Variants in SLC25A24 observed in about 807,000 individuals in gnomAD.
SLC25A24 encodes the protein mitochondrial adenyl nucleotide antiporter SLC25A24.
A neutral mutation model predicts 60.7 loss-of-function variants in SLC25A24; 49 were observed. The observed-to-expected ratio is 0.81, with a 90% CI of 0.64 to 1.02. The LOEUF (loss-of-function observed/expected upper bound fraction) is 1.02. Ranked by LOEUF, SLC25A24 falls within the 50% of genes least tolerant of loss-of-function variation. The pLI is 0.00. For synonymous variants in SLC25A24, 202 were observed against 200.6 expected (o/e 1.01, Z -0.06); for missense variants, 564 against 586.3 (o/e 0.96, Z 0.39).
In SLC25A24 at chr1:108,162,317, G is replaced by T. The variant is rs1222798039; in HGVS notation, c.399-1024C>A. ...CCTTTGGGTATATACCCAGTAATGG[G>T]ATGGCTGGGTCAAATGATATTTCTA... On this transcript the variant is annotated intron_variant, in intron 3 of 9. Transcript: ENST00000565488. 6.5e-4 allele frequency among the ~76,000 whole-genome samples: 96 copies of T among 148,280 alleles called. 1 individual carries two copies. The highest frequency in any genetic ancestry group is 1.2e-3 in the Non-Finnish European group (83 of 67,262).
intron 2 of SLC25A24, 35 bp from the exon 3 acceptor site, chr1:108,182,063 C>G: frequency 3.8e-6 from 5 of 1,300,894 alleles, no homozygotes; most frequent in Non-Finnish European, 5.5e-6. Context: ...AAATAAAACT[C>G]AGAACTGGTA....
chr1:108,161,211 C>G lies in SLC25A24; in HGVS notation c.481G>C (p.Glu161Gln), dbSNP rs759768726. 1.3e-6 allele frequency: 2 copies of G among 1,585,546 alleles called. No homozygotes were observed. Among genetic ancestry groups the G allele is most frequent in the South Asian group, 2.2e-5 (2 of 90,048 alleles). ...FLFNPVTDIE[E>Q]IIRFWKHSTG... ...GAATGTTTCCAGAAACGGATAATTT[C>G]CTCAATGTCTGTAACAGGATTAAAT... The change falls in exon 4 of 10, where the codon GAA becomes CAA. Residue 161 changes from glutamate to glutamine, a missense_variant. Physicochemically the swap from Glu to Gln is conservative, Grantham distance 29 (BLOSUM62 2). Coordinates refer to ENST00000565488, the MANE Select transcript of SLC25A24 (RefSeq NM_013386.5).
rs2101652472 is a variant in SLC25A24 at position 108,200,080 on chromosome 1, T to G, written c.59A>C (p.Gln20Pro). 1 of 1,586,116 alleles carries G rather than the reference T, an allele frequency of 6.3e-7. No individual in the cohort carries two copies. The highest frequency in any genetic ancestry group is 8.6e-7 in the Non-Finnish European group (1 of 1,166,940). The change falls in exon 1 of 10, where the codon CAG becomes CCG. Residue 20 changes from glutamine (Q) to proline (P), a missense_variant. Coordinates refer to ENST00000565488, the MANE Select transcript of SLC25A24 (RefSeq NM_013386.5). ...GAAGAGGGTCTCGTAGCGCGTCGGC[T>G]GCTCCGCGTCCTGGCAGGCCGCGGT... ...LPTAACQDAE[Q>P]PTRYETLFQA...
chr1:108,166,232 T>C (rs1266262785), intron 3 of SLC25A24, among the ~76,000 whole-genome samples: 1 of 152,154 alleles, frequency 6.6e-6, no homozygotes, highest in Admixed American at 6.5e-5. Context: ...TAACATTTTT[T>C]CCTTCATTTC....
chr1:108,184,297 C>T (rs1452513399), intron 2 of SLC25A24, among the ~76,000 whole-genome samples: 2 of 152,198 alleles, frequency 1.3e-5, no homozygotes, highest in East Asian at 1.9e-4. Context: ...CATAGCAGCA[C>T]ACAGACAATC....
chr1:108,185,307 GA>G lies in SLC25A24; in HGVS notation c.310+520del, dbSNP rs1327219866. 3.9e-5 allele frequency among the ~76,000 whole-genome samples: 6 copies of G among 152,140 alleles called. No homozygotes were observed. The South Asian group carries it at 8.3e-4, about 21-fold the overall frequency. On this transcript the variant is annotated intron_variant, in intron 2 of 9. Coordinates refer to ENST00000565488, the MANE Select transcript of SLC25A24 (RefSeq NM_013386.5). ...AATATAGAAGTCATAATCTTAACCA[GA>G]AGGTACACACTTAAACGTTTATATG...
Position 108,167,284 on chromosome 1 carries a change from G to A in SLC25A24, c.399-5991C>T, listed in dbSNP as rs796577562. Among the ~76,000 whole-genome samples, 1,047 of 151,802 alleles carry A rather than the reference G, an allele frequency of 6.9e-3. 11 individuals carry two copies. Among genetic ancestry groups the A allele is most frequent in the Non-Finnish European group, 8.4e-3 (567 of 67,848 alleles). On this transcript the variant is annotated intron_variant, in intron 3 of 9. Transcript: ENST00000565488. ...GCCCCCAGAGGTGGAGCCTACAGAGGCAGGCAGGCCTCCTTGAGCTGTGGT... is the reference window on the plus strand; with the variant it reads ...GCCCCCAGAGGTGGAGCCTACAGAGACAGGCAGGCCTCCTTGAGCTGTGGT...
At chr1:108,179,123 A>C (rs981647580) in intron 3 of SLC25A24, among the ~76,000 whole-genome samples, 2 of 78,996 alleles carry the variant, frequency 2.5e-5, no homozygotes, top group African/African-American at 5.6e-5. Flanking sequence ...CAAAAAGTAC[A>C]AAAAAAAAAA....
chr1:108,158,836 C>T (rs1008980086), intron 4 of SLC25A24, among the ~76,000 whole-genome samples: 15 of 152,014 alleles, frequency 9.9e-5, no homozygotes, highest in African/African-American at 3.6e-4. Context: ...CCCGTCTCTA[C>T]TAAAAATACA....
Position 108,200,205 on chromosome 1 carries a change from G to C in SLC25A24, c.-67C>G, listed in dbSNP as rs1474635034. The C allele has an allele frequency of 3.0e-5, 42 of 1,423,664 alleles. No homozygotes were observed. The highest frequency in any genetic ancestry group is 3.5e-5 in the Non-Finnish European group (38 of 1,083,384). 88.2% of individuals were successfully genotyped at this position (1,423,664 alleles called of 1,614,324 possible). A position where few individuals can be genotyped will look rare whatever the true frequency, so the allele number is the denominator to read the frequency against. ...AGATCGAGGGCTGCGGGGCGAGACC[G>C]GGACCAGCGCGAGGCCGGGCTGGGC... is the stretch of plus-strand genomic sequence containing the variant. On this transcript the variant is annotated 5_prime_UTR_variant, in exon 1 of 10. Transcript: ENST00000565488.
At chr1:108,153,480 A>G (rs964606928) in intron 6 of SLC25A24, among the ~76,000 whole-genome samples, 3 of 152,218 alleles carry the variant, frequency 2.0e-5, no homozygotes, top group African/African-American at 7.2e-5. Flanking sequence ...ATATTCTGCA[A>G]TTCAGCACTC....
rs1331895415 is a variant in SLC25A24 at position 108,189,884 on chromosome 1, TGTATATATAGAGAGA to T, written c.184-3945_184-3931del. ...AAAAATTAAAAAATATATATATATA[TGTATATATAGAGAGA>T]GTATATATAGGGTTCAATATTACCC... On this transcript the variant is annotated intron_variant, in intron 1 of 9. Transcript: ENST00000565488. Among the ~76,000 whole-genome samples, 1,052 of 150,128 alleles carry T rather than the reference TGTATATATAGAGAGA, an allele frequency of 7.0e-3. 11 individuals carry two copies. The highest frequency in any genetic ancestry group is 0.025 in the African/African-American group (1,013 of 40,910).
chr1:108,158,703 GA>G (rs34586204), intron 4 of SLC25A24, among the ~76,000 whole-genome samples: 65,157 of 137,932 alleles, frequency 0.47, 15,505 homozygotes, highest in South Asian at 0.59. Context: ...AGCCCATAAA[GA>G]AAAAAAAAAA....
At chr1:108,161,096 C>T in intron 4 of SLC25A24, 86 bp downstream of exon 4, 1 of 701,344 alleles carries the variant, frequency 1.4e-6, no homozygotes, top group South Asian at 1.9e-5. Flanking sequence ...TATCCTGGCC[C>T]ATAAGTGTTA....
At chr1:108,178,111 G>A (rs988120711) in intron 3 of SLC25A24, among the ~76,000 whole-genome samples, 6 of 152,020 alleles carry the variant, frequency 3.9e-5, no homozygotes, top group Admixed American at 1.3e-4. Context: ...GCAGTGAGCC[G>A]AGACCCTGCC....
Position 108,193,359 on chromosome 1 carries a change from C to T in SLC25A24, c.183+6597G>A. 1.5e-5 allele frequency among the ~76,000 whole-genome samples: 2 copies of T among 136,970 alleles called. 1 individual carries two copies. The highest frequency in any genetic ancestry group is 3.2e-5 in the Non-Finnish European group (2 of 62,968). 89.9% of individuals were successfully genotyped at this position (136,970 alleles called of 152,430 possible). ...CCCTCCCTCCCCCCTTTTGGAGTCC[C>T]TAGTGTCTATTGTTCCCATCTTTAT... On this transcript the variant is annotated intron_variant, in intron 1 of 9. Transcript: ENST00000565488.
At chr1:108,137,016 C>A (rs1571273828) in intron 9 of SLC25A24, among the ~76,000 whole-genome samples, 179 bp from the exon 10 acceptor site, 1 of 152,172 alleles carries the variant, frequency 6.6e-6, no homozygotes, top group South Asian at 2.1e-4. Flanking sequence ...CAGTGAGTGT[C>A]CTAACTATAG....
rs1226081038 is a variant in SLC25A24 at position 108,200,163 on chromosome 1, G to A, written c.-25C>T. 6.5e-7 allele frequency: 1 copy of A among 1,535,042 alleles called. No individual in the cohort carries two copies. The highest frequency in any genetic ancestry group is 2.0e-5 in the Admixed American group (1 of 50,624). ...TGGTCCCAGAGGCGCAGGCGGCCTG[G>A]CCGAGGAAGTCACGGGAGATCGAGG... On this transcript the variant is annotated 5_prime_UTR_variant, in exon 1 of 10. Coordinates refer to ENST00000565488, the MANE Select transcript of SLC25A24 (RefSeq NM_013386.5).
intron 4 of SLC25A24, among the ~76,000 whole-genome samples, 180 bp downstream of exon 4, chr1:108,161,002 G>GT (rs57086011): frequency 2.1e-3 from 320 of 150,718 alleles, no homozygotes; most frequent in Middle Eastern, 6.8e-3. Flanking sequence ...AGGGAGAGCT[G>GT]TTTTTTTTTG....
Sources: gnomAD v4.1 joint callset for allele counts (sites outside exome capture counted in the v4.1 genomes callset) on GRCh38, gnomAD v4.1.1 for gene constraint, MANE v1.5 for transcripts, NCBI Gene and HGNC (gene_info 2026-07-23, HGNC 2026-07-21) for gene names.